The following NLGN1 variants were observed in gnomAD, a reference collection of about 807,000 sequenced individuals.
NLGN1 encodes the protein neuroligin-1.
NLGN1 carries 12 observed loss-of-function variants against 65.5 expected under a neutral mutation model. That is an observed-to-expected ratio of 0.18 (90% CI 0.12 to 0.30). The LOEUF (loss-of-function observed/expected upper bound fraction) is 0.30, where lower values mean the gene tolerates loss of function less well. Ranked by LOEUF, NLGN1 falls within the 10% of genes least tolerant of loss-of-function variation. The pLI, the probability that NLGN1 is intolerant of heterozygous loss-of-function variation, is 1.00. For synonymous variants in NLGN1, 350 were observed against 359.5 expected, an observed-to-expected ratio of 0.97 and a Z score of 0.30; for missense variants, 750 against 1,007.1, an observed-to-expected ratio of 0.74 and a Z score of 3.46.
intron 4 of NLGN1, among the ~76,000 whole-genome samples, chr3:173,859,834 C>T (rs1053796799): frequency 1.3e-5 from 2 of 151,728 alleles, no homozygotes; most frequent in Non-Finnish European, 2.9e-5. Flanking sequence ...TAAACATCAT[C>T]CATTTTGTCT....
intron 2 of NLGN1, among the ~76,000 whole-genome samples, chr3:173,439,164 A>G (rs903691136): frequency 7.2e-5 from 11 of 152,200 alleles, no homozygotes; most frequent in African/African-American, 2.4e-4. Context: ...GCACAAGGGA[A>G]GAATTTTTTC....
In NLGN1 at chr3:173,921,373, A is replaced by G. The variant is rs140319215; in HGVS notation, c.646+113541A>G. 7.6e-3 allele frequency among the ~76,000 whole-genome samples: 1,142 copies of G among 149,942 alleles called. 9 individuals are homozygous for G. The highest frequency in any genetic ancestry group is 0.026 in the African/African-American group (1,070 of 41,128). On this transcript the variant is annotated intron_variant, in intron 4 of 6. Coordinates refer to ENST00000457714, the Ensembl canonical transcript of NLGN1. ...GTAATCTATTGTTTCATTTGTAGTAATTTATTTTTTCTGTGTTCAAGTTCA... is the reference window on the plus strand; with the variant it reads ...GTAATCTATTGTTTCATTTGTAGTAGTTTATTTTTTCTGTGTTCAAGTTCA...
At chr3:173,595,569 T>A (rs2149413847) in intron 2 of NLGN1, among the ~76,000 whole-genome samples, 1 of 152,348 alleles carries the variant, frequency 6.6e-6, no homozygotes, top group South Asian at 2.1e-4. Context: ...AACCTCTGCC[T>A]GTTACCCAGT....
At chr3:173,910,160 G>A (rs1366992182) in intron 4 of NLGN1, among the ~76,000 whole-genome samples, 1 of 152,172 alleles carries the variant, frequency 6.6e-6, no homozygotes, top group Non-Finnish European at 1.5e-5. Context: ...AGTTTCAGAG[G>A]ATGCAGTGCT....
At chr3:173,816,665 T>C (rs536093664) in intron 4 of NLGN1, among the ~76,000 whole-genome samples, 8 of 152,360 alleles carry the variant, frequency 5.3e-5, no homozygotes, top group African/African-American at 1.9e-4. Flanking sequence ...CCTCATGAAG[T>C]GGTCCTGGCC....
intron 2 of NLGN1, among the ~76,000 whole-genome samples, chr3:173,521,618 T>G (rs1349538040): frequency 6.6e-6 from 1 of 152,208 alleles, no homozygotes; most frequent in Non-Finnish European, 1.5e-5. Context: ...CATAGAAAGT[T>G]TGACCTTTTA....
chr3:173,574,852 CT>C (rs1322085975), intron 2 of NLGN1, among the ~76,000 whole-genome samples: 1 of 152,182 alleles, frequency 6.6e-6, no homozygotes, highest in Non-Finnish European at 1.5e-5. Context: ...TTAAGATAAA[CT>C]ATGCAAATGA....
At chr3:173,803,743 T>G (rs1023612649) in intron 3 of NLGN1, among the ~76,000 whole-genome samples, 3 of 152,186 alleles carry the variant, frequency 2.0e-5, no homozygotes, top group East Asian at 1.9e-4. Context: ...CAGCCAACAC[T>G]TCTATGTTCA....
chr3:173,680,519 C>G (rs530548517), intron 3 of NLGN1, among the ~76,000 whole-genome samples: 2 of 152,076 alleles, frequency 1.3e-5, no homozygotes, highest in Non-Finnish European at 2.9e-5. Flanking sequence ...ACAATATTCT[C>G]TTTGTTATCA....
At position 174,052,619 on chromosome 3, in the gene NLGN1, T is replaced by C. The variant is rs547466952; in HGVS notation, c.647-222696T>C. On this transcript the variant is annotated intron_variant, in intron 4 of 6. Transcript: ENST00000457714. ...AATCAGCTGGAACCAATCAGATTTA[T>C]GTGATAGGACCCTTGAGGCTAATAT... Among the ~76,000 whole-genome samples, 40 of 152,156 alleles carry C rather than the reference T, an allele frequency of 2.6e-4. 1 individual carries two copies. Among genetic ancestry groups the C allele is most frequent in the African/African-American group, 7.0e-4 (29 of 41,554 alleles).
chr3:173,408,570 G>C (rs746502286), intron 1 of NLGN1, among the ~76,000 whole-genome samples: 3 of 152,162 alleles, frequency 2.0e-5, no homozygotes, highest in Non-Finnish European at 4.4e-5. Context: ...AAGAGCATAA[G>C]CATGTTTTCT....
At chr3:173,680,376 A>G (rs1004938558) in intron 3 of NLGN1, among the ~76,000 whole-genome samples, 8 of 152,164 alleles carry the variant, frequency 5.3e-5, no homozygotes. Context: ...TCAGAAATGT[A>G]CTTTTAAATT....
intron 2 of NLGN1, among the ~76,000 whole-genome samples, chr3:173,505,452 A>G (rs950081958): frequency 2.0e-5 from 3 of 152,080 alleles, no homozygotes; most frequent in African/African-American, 4.8e-5. Flanking sequence ...ATTAGTGACC[A>G]TGTGTTTAAT....
intron 2 of NLGN1, among the ~76,000 whole-genome samples, chr3:173,556,753 A>G (rs1017352338): frequency 7.9e-5 from 12 of 152,212 alleles, no homozygotes; most frequent in Non-Finnish European, 1.0e-4. Context: ...GCCTTGAGCT[A>G]TGATTGCACC....
chr3:174,034,067 G>A lies in NLGN1; in HGVS notation c.646+226235G>A, dbSNP rs1427450169. Among the ~76,000 whole-genome samples the A allele has an allele frequency of 3.9e-5, 6 of 152,074 alleles. No individual in the cohort carries two copies. In the East Asian group the frequency reaches 1.2e-3, roughly 29 times the overall value. ...AAAGACAAAATCTAGAAAGAAGCCAGAGAGAAACACTTTATGTATAGAGGA... is the reference window on the plus strand; with the variant it reads ...AAAGACAAAATCTAGAAAGAAGCCAAAGAGAAACACTTTATGTATAGAGGA... On this transcript the variant is annotated intron_variant, in intron 4 of 6. Coordinates refer to ENST00000457714, the Ensembl canonical transcript of NLGN1.
At chr3:174,045,825 A>G (rs1733451673) in intron 4 of NLGN1, among the ~76,000 whole-genome samples, 1 of 152,208 alleles carries the variant, frequency 6.6e-6, no homozygotes. Flanking sequence ...AGCCCAGAGT[A>G]AGTATGGAAA....
chr3:173,804,329 G>A (rs1716141539), intron 3 of NLGN1, among the ~76,000 whole-genome samples: 1 of 152,040 alleles, frequency 6.6e-6, no homozygotes, highest in Non-Finnish European at 1.5e-5. Context: ...TTTTAGTAAA[G>A]TCAGTAGATG....
rs3980148 is a variant in NLGN1, at chr3:173,544,259, CGTGTGTGT to C, written c.-320-59994_-320-59987del. ...GTAGTAAAGTACCAAGATTATATTACGTGTGTGTGTGTGTGTGTGTGTGTGTGTGTGTG... is the reference window on the plus strand; with the variant it reads ...GTAGTAAAGTACCAAGATTATATTACGTGTGTGTGTGTGTGTGTGTGTGTG... On this transcript the variant is annotated intron_variant, in intron 2 of 6. Coordinates refer to ENST00000457714, the Ensembl canonical transcript of NLGN1. Among the ~76,000 whole-genome samples, 476 of 144,222 alleles carry C rather than the reference CGTGTGTGT, an allele frequency of 3.3e-3. 3 individuals carry two copies. Among genetic ancestry groups the C allele is most frequent in the African/African-American group, 0.012 (451 of 38,326 alleles). 94.6% of individuals were successfully genotyped at this position (144,222 alleles called of 152,430 possible). A position where few individuals can be genotyped will look rare whatever the true frequency, so the allele number is the denominator to read the frequency against.
intron 3 of NLGN1, 109 bp downstream of exon 2, chr3:173,605,200 T>A (rs988307935): frequency 1.1e-6 from 1 of 889,336 alleles, no homozygotes; most frequent in African/African-American, 1.7e-5. Context: ...CTTTTCCTGT[T>A]GGCATGTAGA....
Sources: gnomAD v4.1 joint callset for allele counts (sites outside exome capture counted in the v4.1 genomes callset) on GRCh38, gnomAD v4.1.1 for gene constraint, MANE v1.5 for transcripts, NCBI Gene and HGNC (gene_info 2026-07-23, HGNC 2026-07-21) for gene names.